The following PDE4D variants were observed in gnomAD, a reference collection of about 807,000 sequenced individuals.
PDE4D encodes 3',5'-cyclic-AMP phosphodiesterase 4D.
Under a neutral mutation model 87.4 loss-of-function variants are expected in PDE4D, and 24 were observed. The observed-to-expected ratio is 0.27, with a 90% CI of 0.20 to 0.39. The LOEUF is 0.39. Ranked by LOEUF, PDE4D falls within the 10% of genes least tolerant of loss-of-function variation. The pLI is 1.00. For synonymous variants in PDE4D, 384 were observed against 383.2 expected (o/e 1.00, Z -0.02); for missense variants, 714 against 1,041.0 (o/e 0.69, Z 4.32).
intron 1 of PDE4D, among the ~76,000 whole-genome samples, chr5:59,301,703 G>C (rs1451008020): frequency 6.6e-6 from 1 of 151,916 alleles, no homozygotes; most frequent in East Asian, 1.9e-4. Context: ...AGAAGAAATG[G>C]GAGAACCACT....
chr5:59,315,213 G>A (rs1477189682), intron 1 of PDE4D, among the ~76,000 whole-genome samples: 1 of 152,122 alleles, frequency 6.6e-6, no homozygotes, highest in Non-Finnish European at 1.5e-5. Flanking sequence ...CCTGGATTTA[G>A]CTGAACTGAG....
At chr5:59,698,368 T>C (rs1487358603) in intron 1 of PDE4D, among the ~76,000 whole-genome samples, 1 of 152,076 alleles carries the variant, frequency 6.6e-6, no homozygotes, top group Admixed American at 6.6e-5. Flanking sequence ...ACCCCGGACT[T>C]TCTACATTGC....
At chr5:59,967,140 G>C (rs928953852) in intron 3 of PDE4D, among the ~76,000 whole-genome samples, 6 of 152,060 alleles carry the variant, frequency 3.9e-5, no homozygotes, top group Non-Finnish European at 7.4e-5. Flanking sequence ...GGCATAATCG[G>C]AGTCAGCTTA....
At position 59,773,405 on chromosome 5, in the gene PDE4D, C is replaced by T. The variant is rs1763771001; in HGVS notation, c.455+119763G>A. Among the ~76,000 whole-genome samples the T allele has an allele frequency of 1.3e-5, 2 of 152,090 alleles. 1 individual carries two copies. Among genetic ancestry groups the T allele is most frequent in the South Asian group, 4.1e-4 (2 of 4,830 alleles). On this transcript the variant is annotated intron_variant, in intron 1 of 14. Transcript: ENST00000340635. The stretch of plus-strand genomic sequence containing the variant: ...TGTTTATGGTTATTTCTATGGAAAA[C>T]AGTAGACACCTGGGTCCCCTGAGTT...
At chr5:59,434,783 A>G (rs546407169) in intron 1 of PDE4D, among the ~76,000 whole-genome samples, 141 of 152,244 alleles carry the variant, frequency 9.3e-4, no homozygotes, top group Non-Finnish European at 1.4e-3. Flanking sequence ...CAATAACCAG[A>G]CAATAACTGC....
chr5:60,482,296 A>G (rs1032023223), intron 1 of PDE4D, among the ~76,000 whole-genome samples: 4 of 152,156 alleles, frequency 2.6e-5, no homozygotes, highest in Non-Finnish European at 5.9e-5. Flanking sequence ...CTAATCTCAG[A>G]ATTCTAGCCT....
chr5:59,077,051 G>C (rs1022610436), intron 5 of PDE4D, among the ~76,000 whole-genome samples: 1 of 151,976 alleles, frequency 6.6e-6, no homozygotes, highest in African/African-American at 2.4e-5. Flanking sequence ...TAAAAACTTG[G>C]GTTCAAATCC....
intron 1 of PDE4D, among the ~76,000 whole-genome samples, chr5:59,712,455 T>C (rs1754348169): frequency 1.4e-5 from 2 of 146,660 alleles, no homozygotes; most frequent in African/African-American, 5.0e-5. Flanking sequence ...CTAAGTTCTT[T>C]ATGTTACTCA....
At chr5:59,451,594 AT>A (rs1465229950) in intron 1 of PDE4D, among the ~76,000 whole-genome samples, 1 of 152,160 alleles carries the variant, frequency 6.6e-6, no homozygotes, top group African/African-American at 2.4e-5. Context: ...CCTGAAAATA[AT>A]CCTAACCCTT....
At chr5:59,338,641 A>G (rs1248947772) in intron 1 of PDE4D, among the ~76,000 whole-genome samples, 1 of 152,220 alleles carries the variant, frequency 6.6e-6, no homozygotes, top group African/African-American at 2.4e-5. Context: ...ATTTGAATCC[A>G]AGATCATCGA....
intron 5 of PDE4D, among the ~76,000 whole-genome samples, chr5:59,056,821 T>C (rs1484072561): frequency 2.0e-5 from 3 of 152,188 alleles, no homozygotes; most frequent in African/African-American, 4.8e-5. Flanking sequence ...GGTGTATATG[T>C]GCCACATTAA....
chr5:59,946,452 T>C (rs961853519), intron 3 of PDE4D, among the ~76,000 whole-genome samples: 3 of 152,152 alleles, frequency 2.0e-5, no homozygotes, highest in African/African-American at 7.2e-5. Context: ...TGACAAGAAA[T>C]AAGAGATCAG....
At chr5:59,270,991 T>C (rs958623134) in intron 1 of PDE4D, among the ~76,000 whole-genome samples, 2 of 152,144 alleles carry the variant, frequency 1.3e-5, no homozygotes, top group Non-Finnish European at 2.9e-5. Flanking sequence ...TAGAGCTCTT[T>C]CATAAGACAC....
chr5:59,088,777 G>C (rs1053977942), intron 5 of PDE4D, among the ~76,000 whole-genome samples: 10 of 152,254 alleles, frequency 6.6e-5, no homozygotes, highest in African/African-American at 2.4e-4. Context: ...CAGACACTGT[G>C]ACCTATCAGA....
At chr5:59,418,091 C>A (rs1793910463) in intron 1 of PDE4D, among the ~76,000 whole-genome samples, 2 of 152,136 alleles carry the variant, frequency 1.3e-5, no homozygotes, top group Admixed American at 1.3e-4. Flanking sequence ...TGCTATAAGT[C>A]CCCTCATTAG....
intron 2 of PDE4D, among the ~76,000 whole-genome samples, chr5:60,181,712 T>C (rs2149500844): frequency 6.6e-6 from 1 of 152,296 alleles, no homozygotes; most frequent in East Asian, 1.9e-4. Flanking sequence ...AAATTGGGAA[T>C]TTAATGCAAA....
At chr5:59,603,893 A>C (rs1827842865) in intron 1 of PDE4D, among the ~76,000 whole-genome samples, 1 of 152,022 alleles carries the variant, frequency 6.6e-6, no homozygotes, top group Non-Finnish European at 1.5e-5. Flanking sequence ...AAATGTTAAC[A>C]GAGTGGATAT....
intron 1 of PDE4D, among the ~76,000 whole-genome samples, chr5:60,243,614 A>G (rs1261728153): frequency 6.6e-6 from 1 of 152,064 alleles, no homozygotes; most frequent in Non-Finnish European, 1.5e-5. Flanking sequence ...ATAATTCCTC[A>G]TGACCAAGTG....
chr5:59,239,302 C>T (rs1255192750), intron 1 of PDE4D, among the ~76,000 whole-genome samples: 2 of 152,166 alleles, frequency 1.3e-5, no homozygotes, highest in African/African-American at 2.4e-5. Context: ...AATGCCTCCT[C>T]ACCGGAGATC....
Sources: allele counts gnomAD v4.1 joint callset (sites outside exome capture counted in the v4.1 genomes callset), GRCh38; gene constraint gnomAD v4.1.1; transcripts MANE v1.5; gene names NCBI Gene and HGNC (gene_info 2026-07-23, HGNC 2026-07-21).